SORCS2: variants seen among roughly 807,000 people sequenced by gnomAD.
SORCS2 encodes sortilin related VPS10 domain containing receptor 2.
A neutral mutation model predicts 141.6 loss-of-function variants in SORCS2; 100 were observed. That is an observed-to-expected ratio of 0.71 (90% CI 0.60 to 0.83). The LOEUF is 0.83. Ranked by LOEUF, SORCS2 falls within the 40% of genes least tolerant of loss-of-function variation. The pLI, the probability that SORCS2 is intolerant of heterozygous loss-of-function variation, is 0.00. For missense variants in SORCS2, 1,646 were observed against 1,560.2 expected (o/e 1.05, Z -0.93); for synonymous variants, 789 against 676.9 (o/e 1.17, Z -2.57).
intron 24 of SORCS2, 30 bp downstream of exon 24, chr4:7,733,451 G>A: frequency 1.3e-6 from 2 of 1,519,396 alleles, no homozygotes; most frequent in Non-Finnish European, 1.8e-6. Flanking sequence ...CCTGCGGAAT[G>A]GGTGGAGGAG....
intron 1 of SORCS2, among the ~76,000 whole-genome samples, chr4:7,324,042 A>G (rs917712104): frequency 6.6e-6 from 1 of 152,154 alleles, no homozygotes; most frequent in Non-Finnish European, 1.5e-5. Context: ...TCTCACAGGG[A>G]TCTCCTGTTT....
At chr4:7,235,937 A>G (rs971696342) in intron 1 of SORCS2, among the ~76,000 whole-genome samples, 15 of 152,324 alleles carry the variant, frequency 9.8e-5, no homozygotes, top group African/African-American at 3.6e-4. Context: ...AAGGGTTGCC[A>G]AGCCTTGAAA....
chr4:7,435,002 C>A (rs1337224964), intron 2 of SORCS2: 4 of 1,226,750 alleles, frequency 3.3e-6, no homozygotes, highest in Non-Finnish European at 4.5e-6. Flanking sequence ...ACTCCCACAG[C>A]CTGACTCACA....
chr4:7,511,485 G>A (rs953063067), intron 2 of SORCS2, among the ~76,000 whole-genome samples: 3 of 151,592 alleles, frequency 2.0e-5, no homozygotes, highest in African/African-American at 7.3e-5. Flanking sequence ...GGGGGAGGGG[G>A]GGTGGAGAGA....
chr4:7,392,516 C>T (rs1424203418), intron 1 of SORCS2, among the ~76,000 whole-genome samples: 3 of 152,126 alleles, frequency 2.0e-5, no homozygotes, highest in Non-Finnish European at 4.4e-5. Context: ...GTGCTGGGCT[C>T]ACGGGGGTTT....
At position 7,466,353 on chromosome 4, in the gene SORCS2, C is replaced by T. The variant is rs551276863; in HGVS notation, c.549-65177C>T. On this transcript the variant is annotated intron_variant, in intron 2 of 26. Transcript: ENST00000507866. ...ACGGGGGAGGGTGTTATGGGCTGGT[C>T]CACCATGGCACCCAGGACTCTGCCC... Among the ~76,000 whole-genome samples the T allele has an allele frequency of 2.7e-3, 417 of 152,206 alleles. 1 individual carries two copies. Among genetic ancestry groups the T allele is most frequent in the African/African-American group, 9.3e-3 (386 of 41,522 alleles).
intron 22 of SORCS2, 118 bp downstream of exon 22, chr4:7,728,580 G>A (rs1030218898): frequency 4.5e-6 from 3 of 662,924 alleles, no homozygotes; most frequent in Admixed American, 3.0e-5. Flanking sequence ...CCCCGCACAC[G>A]ATGCTCTGGT....
intron 2 of SORCS2, among the ~76,000 whole-genome samples, chr4:7,473,317 TC>T (rs1730093321): frequency 1.3e-5 from 2 of 152,070 alleles, no homozygotes; most frequent in Admixed American, 6.5e-5. Flanking sequence ...GATGGCGTGT[TC>T]CCAGGGAGCC....
chr4:7,334,991 T>G (rs771122988), intron 1 of SORCS2, among the ~76,000 whole-genome samples: 3 of 151,976 alleles, frequency 2.0e-5, no homozygotes, highest in Non-Finnish European at 2.9e-5. Flanking sequence ...GCTAAAGGGA[T>G]GGACTGAGAT....
At chr4:7,434,737 T>C in intron 2 of SORCS2, 1 of 1,613,100 alleles carries the variant, frequency 6.2e-7, no homozygotes, top group Non-Finnish European at 8.5e-7. Context: ...CCCTTGGCAG[T>C]ACCCCACAGC....
chr4:7,643,993 C>G (rs966514050), intron 4 of SORCS2, among the ~76,000 whole-genome samples: 1 of 152,168 alleles, frequency 6.6e-6, no homozygotes, highest in East Asian at 1.9e-4. Context: ...TCATTTTGCT[C>G]TAAGAATTTT....
intron 1 of SORCS2, among the ~76,000 whole-genome samples, chr4:7,314,347 T>A (rs1254757532): frequency 9.7e-6 from 1 of 103,620 alleles, no homozygotes; most frequent in African/African-American, 3.3e-5. Context: ...TTTTATTTTT[T>A]TTTATTTTTT....
chr4:7,223,580 A>C (rs1227086383), intron 1 of SORCS2, among the ~76,000 whole-genome samples: 1 of 152,136 alleles, frequency 6.6e-6, no homozygotes. Flanking sequence ...TCTGAAATGA[A>C]GTCACAAGGT....
intron 3 of SORCS2, among the ~76,000 whole-genome samples, chr4:7,618,260 T>C (rs1370788568): frequency 6.6e-6 from 1 of 151,952 alleles, no homozygotes; most frequent in Non-Finnish European, 1.5e-5. Flanking sequence ...CCACCTCAGA[T>C]GCACTAGTGA....
chr4:7,693,657 T>C (rs1452501281), intron 11 of SORCS2, among the ~76,000 whole-genome samples: 1 of 152,186 alleles, frequency 6.6e-6, no homozygotes, highest in African/African-American at 2.4e-5. Context: ...GAGGTGATGG[T>C]AGCATTTAGC....
chr4:7,415,350 C>T (rs972257426), intron 2 of SORCS2, among the ~76,000 whole-genome samples: 2 of 152,234 alleles, frequency 1.3e-5, no homozygotes, highest in Non-Finnish European at 2.9e-5. Context: ...TTGCCTTCTC[C>T]AGCTTCTAGA....
chr4:7,320,992 G>C (rs139261281), intron 1 of SORCS2, among the ~76,000 whole-genome samples: 1 of 149,086 alleles, frequency 6.7e-6, no homozygotes, highest in Non-Finnish European at 1.5e-5. Context: ...TTGGTTACAT[G>C]GATGAATTGT....
intron 1 of SORCS2, among the ~76,000 whole-genome samples, chr4:7,215,330 C>T (rs1300164316): frequency 2.0e-5 from 3 of 152,218 alleles, no homozygotes; most frequent in Non-Finnish European, 2.9e-5. Flanking sequence ...ACCGGCGCTG[C>T]GCTCGATTTC....
intron 1 of SORCS2, among the ~76,000 whole-genome samples, chr4:7,274,158 C>G (rs1715320635): frequency 6.6e-6 from 1 of 152,210 alleles, no homozygotes; most frequent in Admixed American, 6.5e-5. Context: ...CCAGCTAGCC[C>G]AAAAACAGAT....
Sources: allele counts gnomAD v4.1 joint callset (sites outside exome capture counted in the v4.1 genomes callset), GRCh38; gene constraint gnomAD v4.1.1; transcripts MANE v1.5; gene names NCBI Gene and HGNC (gene_info 2026-07-23, HGNC 2026-07-21).